HPSE2: variants seen among roughly 807,000 people sequenced by gnomAD.
HPSE2 encodes the protein heparanase 2 (inactive), also known as inactive heparanase-2.
HPSE2 carries 38 observed loss-of-function variants against 60.5 expected under a neutral mutation model. The ratio of observed to expected loss-of-function variants is 0.63; its 90% confidence interval spans 0.48 to 0.82. The LOEUF is 0.82. Among genes scored for constraint, HPSE2 ranks in the 40% least tolerant of loss-of-function variants. The pLI is 0.00. For missense variants in HPSE2, 713 were observed against 740.4 expected (o/e 0.96, Z 0.43); for synonymous variants, 295 against 293.2 (o/e 1.01, Z -0.06).
intron 3 of HPSE2, among the ~76,000 whole-genome samples, chr10:98,842,866 C>T (rs1951948930): frequency 6.6e-6 from 1 of 152,058 alleles, no homozygotes; most frequent in South Asian, 2.1e-4. Flanking sequence ...GTCACTCCCT[C>T]CCACCCTAAC....
intron 6 of HPSE2, among the ~76,000 whole-genome samples, chr10:98,662,720 G>A (rs1369534259): frequency 6.6e-6 from 1 of 152,190 alleles, no homozygotes; most frequent in Non-Finnish European, 1.5e-5. Flanking sequence ...TTGTCATGCT[G>A]TGGAATTTTC....
At chr10:99,259,219 T>C in the HPSE2 span, among the ~76,000 whole-genome samples, 1 of 151,192 alleles carries the variant, frequency 6.6e-6, no homozygotes, top group African/African-American at 2.4e-5. Flanking sequence ...GGCGGGAGAA[T>C]TGCTTGAACC....
chr10:98,596,472 CTTT>C (rs35468569), intron 9 of HPSE2, among the ~76,000 whole-genome samples: 1 of 148,826 alleles, frequency 6.7e-6, no homozygotes, highest in African/African-American at 2.5e-5. Context: ...AATTAGCATC[CTTT>C]TTTTTTTTCA....
chr10:99,100,791 C>T (rs1430968459), intron 3 of HPSE2, among the ~76,000 whole-genome samples: 2 of 152,192 alleles, frequency 1.3e-5, no homozygotes, highest in Non-Finnish European at 2.9e-5. Flanking sequence ...AACAGCAGAT[C>T]TCTCGTCAGA....
At chr10:98,771,669 G>A (rs771053180) in intron 3 of HPSE2, among the ~76,000 whole-genome samples, 23 of 152,186 alleles carry the variant, frequency 1.5e-4, no homozygotes, top group Non-Finnish European at 3.2e-4. Context: ...GCTTGATCAA[G>A]GGGGCCAGGA....
chr10:98,918,360 C>T (rs894285013), intron 3 of HPSE2, among the ~76,000 whole-genome samples: 1 of 151,974 alleles, frequency 6.6e-6, no homozygotes, highest in African/African-American at 2.4e-5. Context: ...AATCATGCTG[C>T]TATAAAGACA....
chr10:98,962,610 G>A (rs2135239173), intron 3 of HPSE2, among the ~76,000 whole-genome samples: 1 of 150,452 alleles, frequency 6.6e-6, no homozygotes, highest in East Asian at 1.9e-4. Context: ...GAAATAAAGG[G>A]TATTCAATTA....
the HPSE2 span, among the ~76,000 whole-genome samples, chr10:99,291,753 AC>A: frequency 6.6e-6 from 1 of 152,240 alleles, no homozygotes; most frequent in Non-Finnish European, 1.5e-5. Flanking sequence ...TAGGCCCATC[AC>A]CCAGACAAAC....
At chr10:99,113,750 A>C (rs1844565005) in intron 3 of HPSE2, among the ~76,000 whole-genome samples, 1 of 151,950 alleles carries the variant, frequency 6.6e-6, no homozygotes, top group African/African-American at 2.4e-5. Context: ...GACTTTTTTA[A>C]CTCTTTAAAA....
intron 3 of HPSE2, among the ~76,000 whole-genome samples, chr10:98,925,290 A>G (rs1954419602): frequency 6.6e-6 from 1 of 151,978 alleles, no homozygotes; most frequent in Non-Finnish European, 1.5e-5. Context: ...CAGAGGGACA[A>G]ACAGTGAAGG....
chr10:98,542,317 A>C (rs1028774531), intron 9 of HPSE2, among the ~76,000 whole-genome samples: 1 of 152,136 alleles, frequency 6.6e-6, no homozygotes, highest in African/African-American at 2.4e-5. Context: ...CCACACCAAA[A>C]ACCCATCTGT....
intron 6 of HPSE2, among the ~76,000 whole-genome samples, chr10:98,645,636 C>A (rs1946747005): frequency 6.6e-6 from 1 of 152,198 alleles, no homozygotes; most frequent in South Asian, 2.1e-4. Context: ...GAAATATGAA[C>A]TTTGGTCATC....
At chr10:99,166,384 C>T (rs1564860893) in intron 2 of HPSE2, among the ~76,000 whole-genome samples, 1 of 152,176 alleles carries the variant, frequency 6.6e-6, no homozygotes, top group Non-Finnish European at 1.5e-5. Context: ...AACTGTCAAA[C>T]TTTTTTCCAG....
chr10:99,151,286 T>C (rs945015830), intron 2 of HPSE2, among the ~76,000 whole-genome samples: 6 of 146,572 alleles, frequency 4.1e-5, no homozygotes, highest in East Asian at 2.0e-4. Context: ...TGAATAGAAA[T>C]GACCTAACCT....
chr10:98,565,911 G>C (rs192640156), intron 9 of HPSE2, among the ~76,000 whole-genome samples: 1 of 152,152 alleles, frequency 6.6e-6, no homozygotes, highest in Non-Finnish European at 1.5e-5. Flanking sequence ...AAGAGGTAGA[G>C]AGAGAGAGAG....
intron 7 of HPSE2, among the ~76,000 whole-genome samples, chr10:98,625,957 T>C (rs1012359746): frequency 2.0e-5 from 3 of 151,804 alleles, no homozygotes; most frequent in African/African-American, 7.3e-5. Flanking sequence ...AAAAACAAAA[T>C]TAGCTGGGTG....
At chr10:98,685,985 T>G (rs1447234516) in intron 6 of HPSE2, among the ~76,000 whole-genome samples, 2 of 152,316 alleles carry the variant, frequency 1.3e-5, no homozygotes, top group African/African-American at 4.8e-5. Flanking sequence ...GTCTGTGCAA[T>G]CTGTAGTAAG....
intron 6 of HPSE2, among the ~76,000 whole-genome samples, chr10:98,661,607 AAT>A (rs1297311272): frequency 2.4e-4 from 37 of 152,116 alleles, no homozygotes; most frequent in African/African-American, 8.9e-4. Flanking sequence ...TCACCTAAAC[AAT>A]ATATCTTTGT....
intron 2 of HPSE2, among the ~76,000 whole-genome samples, chr10:99,186,542 C>CAAAAAAAAAAAAAAAAAAAAAAAA (rs60186369): frequency 1.7e-5 from 1 of 59,456 alleles, no homozygotes; most frequent in Non-Finnish European, 2.7e-5. Flanking sequence ...GACTCCATCT[C>CAAAAAAAAAAAAAAAAAAAAAAAA]AAAAAAAAAA....
Sources: gnomAD v4.1 joint callset for allele counts (sites outside exome capture counted in the v4.1 genomes callset) on GRCh38, gnomAD v4.1.1 for gene constraint, MANE v1.5 for transcripts, NCBI Gene and HGNC (gene_info 2026-07-23, HGNC 2026-07-21) for gene names.